The following FAM163A variants were observed in gnomAD, a reference collection of about 807,000 sequenced individuals.
FAM163A encodes the protein protein FAM163A.
Under a neutral mutation model 12.0 loss-of-function variants are expected in FAM163A, and 7 were observed. The observed-to-expected ratio is 0.58, with a 90% confidence interval of 0.33 to 1.10. The LOEUF (loss-of-function observed/expected upper bound fraction) is 1.10, where lower values mean the gene tolerates loss of function less well. Ranked by LOEUF, FAM163A falls within the 50% of genes least tolerant of loss-of-function variation. The pLI is 0.03. For missense variants in FAM163A, 202 were observed against 218.6 expected (o/e 0.92, Z 0.48); for synonymous variants, 101 against 91.0 (o/e 1.11, Z -0.62).
chr1:179,811,518 TG>T lies in FAM163A; in HGVS notation c.-44-586del, dbSNP rs1237321445. ...TGCAAACTCTGACTCATTAGGCCTGTGGGGGGCCTGAGATGCTATCTTTCTA... is the reference window on the plus strand; with the variant it reads ...TGCAAACTCTGACTCATTAGGCCTGTGGGGGCCTGAGATGCTATCTTTCTA... On this transcript the variant is annotated intron_variant, in intron 2 of 4. Coordinates refer to ENST00000341785, the MANE Select transcript of FAM163A (RefSeq NM_173509.3). 4.6e-5 allele frequency among the ~76,000 whole-genome samples: 7 copies of T among 152,144 alleles called. No homozygotes were observed. In the East Asian group the frequency reaches 1.3e-3, roughly 29 times the overall value.
At chr1:179,751,856 T>C (rs1164498734) in intron 1 of FAM163A, among the ~76,000 whole-genome samples, 1 of 152,110 alleles carries the variant, frequency 6.6e-6, no homozygotes, top group Non-Finnish European at 1.5e-5. Context: ...GATTGGAAGA[T>C]TTAATATTTT....
At chr1:179,742,402 G>C (rs1424283151), upstream of FAM163A, 1 of 152,168 alleles carries the variant, frequency 6.6e-6, no homozygotes, top group Non-Finnish European at 1.5e-5. Flanking sequence ...TAGTGGGAAC[G>C]CTCCCTCCTC....
At chr1:179,767,868 A>T (rs1450054848) in intron 1 of FAM163A, among the ~76,000 whole-genome samples, 1 of 152,222 alleles carries the variant, frequency 6.6e-6, no homozygotes, top group Admixed American at 6.5e-5. Context: ...AAAGCACACA[A>T]CAATTAATTT....
At chr1:179,795,355 T>C (rs538155610) in intron 1 of FAM163A, among the ~76,000 whole-genome samples, 76 of 152,342 alleles carry the variant, frequency 5.0e-4, no homozygotes, top group African/African-American at 1.8e-3. Context: ...GTGCTGGAAA[T>C]TTAATTGCCG....
chr1:179,748,057 G>T (rs888881633), intron 1 of FAM163A, among the ~76,000 whole-genome samples: 1 of 152,066 alleles, frequency 6.6e-6, no homozygotes, highest in South Asian at 2.1e-4. Flanking sequence ...AGCTTGTGAG[G>T]CCCTGTGTCT....
At chr1:179,795,069 G>A (rs1352613238) in intron 1 of FAM163A, among the ~76,000 whole-genome samples, 1 of 152,178 alleles carries the variant, frequency 6.6e-6, no homozygotes, top group African/African-American at 2.4e-5. Flanking sequence ...AAGGTGGTAA[G>A]AAGGGGGATG....
At chr1:179,799,185 C>A (rs752257574) in intron 1 of FAM163A, among the ~76,000 whole-genome samples, 30 of 151,896 alleles carry the variant, frequency 2.0e-4, no homozygotes, top group Admixed American at 7.2e-4. Context: ...CCTTTCCTAG[C>A]AAGTCTGTTT....
chr1:179,777,987 A>T lies in FAM163A; in HGVS notation c.-135-29811A>T, dbSNP rs77622523. Among the ~76,000 whole-genome samples the T allele has an allele frequency of 4.5e-3, 689 of 152,256 alleles. 5 individuals carry two copies. The highest frequency in any genetic ancestry group is 0.016 in the African/African-American group (655 of 41,548). On this transcript the variant is annotated intron_variant, in intron 1 of 4. Transcript: ENST00000341785. ...CATTTTTATCCTACTGAGTGTACAG[A>T]TGCTCCTGGACTATGATGGTGTTAT...
intron 3 of FAM163A, 99 bp from the exon 4 acceptor site, chr1:179,812,977 C>T: frequency 8.8e-7 from 1 of 1,136,240 alleles, no homozygotes; most frequent in East Asian, 2.6e-5. Context: ...GCTCTCAGGC[C>T]CCCTGCCCCA....
chr1:179,729,521 G>A, the FAM163A span, among the ~76,000 whole-genome samples: 2 of 152,218 alleles, frequency 1.3e-5, no homozygotes, highest in African/African-American at 4.8e-5. Context: ...TCAGAGGAAA[G>A]TCACCTAGCT....
intron 1 of FAM163A, among the ~76,000 whole-genome samples, chr1:179,803,140 G>A (rs966563474): frequency 6.6e-6 from 1 of 152,116 alleles, no homozygotes; most frequent in Non-Finnish European, 1.5e-5. Flanking sequence ...CAGGAAGACA[G>A]GTAACAGGGA....
chr1:179,732,786 C>G, the FAM163A span, among the ~76,000 whole-genome samples: 1 of 138,200 alleles, frequency 7.2e-6, no homozygotes, highest in Non-Finnish European at 1.5e-5. Context: ...GAGGCTGAGG[C>G]AGGAGAATCG....
At chr1:179,756,415 A>G (rs898106611) in intron 1 of FAM163A, among the ~76,000 whole-genome samples, 31 of 152,198 alleles carry the variant, frequency 2.0e-4, no homozygotes, top group African/African-American at 7.0e-4. Flanking sequence ...GAGAAAGAGG[A>G]CATGTCTAGG....
At chr1:179,792,825 G>T (rs2148260503) in intron 1 of FAM163A, among the ~76,000 whole-genome samples, 1 of 152,078 alleles carries the variant, frequency 6.6e-6, no homozygotes, top group African/African-American at 2.4e-5. Context: ...AGAAAAGTGT[G>T]CCCAGCTCCT....
At chr1:179,801,985 AC>A (rs1693244249) in intron 1 of FAM163A, among the ~76,000 whole-genome samples, 1 of 152,366 alleles carries the variant, frequency 6.6e-6, no homozygotes, top group Non-Finnish European at 1.5e-5. Flanking sequence ...GGAAGGCCAA[AC>A]AAAAATGTGC....
chr1:179,776,507 G>A (rs1025775162), intron 1 of FAM163A, among the ~76,000 whole-genome samples: 35 of 150,886 alleles, frequency 2.3e-4, no homozygotes, highest in Middle Eastern at 3.4e-3. Flanking sequence ...AAAAAAAACA[G>A]AGAGAGAAAC....
At chr1:179,773,974 G>T (rs1239091065) in intron 1 of FAM163A, among the ~76,000 whole-genome samples, 1 of 152,226 alleles carries the variant, frequency 6.6e-6, no homozygotes, top group African/African-American at 2.4e-5. Context: ...AGACCTGCAG[G>T]TTGCTGTAGT....
In FAM163A at chr1:179,814,082, G is replaced by T. The variant is rs1301328345; in HGVS notation, c.397G>T (p.Gly133Ter). The T allele has an allele frequency of 6.2e-7, 1 of 1,614,160 alleles. No individual in the cohort carries two copies. The highest frequency in any genetic ancestry group is 1.3e-5 in the African/African-American group (1 of 75,060). Reference sequence around the variant, plus strand: ...TGCTCCCACATACTACAAAGAGGGGGGACCCCCATCCCTCAAATTGGCAGC... The same window carrying T: ...TGCTCCCACATACTACAAAGAGGGGTGACCCCCATCCCTCAAATTGGCAGC... Reference protein sequence around the residue: ...SFAPTYYKEGGPPSLKLAAPQ... With the variant: ...SFAPTYYKEG Residue 133 changes from glycine (G) to a stop codon, truncating the protein, a stop_gained, in exon 5 of 5, where the codon GGA becomes TGA. Transcript: ENST00000341785. LOFTEE classifies it high-confidence loss of function.
At chr1:179,802,757 C>A (rs546489585) in intron 1 of FAM163A, among the ~76,000 whole-genome samples, 13 of 152,154 alleles carry the variant, frequency 8.5e-5, no homozygotes, top group Non-Finnish European at 1.3e-4. Context: ...TTTTGCCAAT[C>A]CAAAGGTAAA....
Sources: allele counts gnomAD v4.1 joint callset (sites outside exome capture counted in the v4.1 genomes callset), GRCh38; gene constraint gnomAD v4.1.1; transcripts MANE v1.5; gene names NCBI Gene and HGNC (gene_info 2026-07-23, HGNC 2026-07-21).